The following SEC14L5 variants were observed in gnomAD, a reference collection of about 807,000 sequenced individuals.
SEC14L5 encodes the protein SEC14-like protein 5.
In SEC14L5, 96 loss-of-function variants were observed where a neutral mutation model predicts 84.6. The observed-to-expected ratio is 1.13, with a 90% CI of 0.96 to 1.34. SEC14L5 has a LOEUF of 1.34. Among genes scored for constraint, SEC14L5 ranks in the 40% most tolerant of loss-of-function variants. SEC14L5 has a pLI of 0.00. For missense variants in SEC14L5, 1,224 were observed against 942.5 expected, an observed-to-expected ratio of 1.30 and a Z score of -3.91; for synonymous variants, 546 against 383.4, an observed-to-expected ratio of 1.42 and a Z score of -4.95.
In SEC14L5 at chr16:4,998,006, T is replaced by C. The variant is rs948605752; in HGVS notation, c.970+962T>C. Among the ~76,000 whole-genome samples, 283 of 149,876 alleles carry C rather than the reference T, an allele frequency of 1.9e-3. 3 individuals are homozygous for C. Among genetic ancestry groups the C allele is most frequent in the African/African-American group, 6.3e-3 (257 of 40,698 alleles). On this transcript the variant is annotated intron_variant, in intron 8 of 15. Transcript: ENST00000251170. ...TACACCTGCACAGACTCTAGTTCTT[T>C]TTTTTTTTTTTTTTTGAGACAGAGT...
chr16:4,974,818 C>T (rs1955321272), intron 2 of SEC14L5, among the ~76,000 whole-genome samples: 1 of 152,064 alleles, frequency 6.6e-6, no homozygotes, highest in Admixed American at 6.6e-5. Context: ...CACTCTGTCA[C>T]CCAGGCTGGA....
At chr16:4,967,953 C>T (rs574200011) in intron 2 of SEC14L5, among the ~76,000 whole-genome samples, 2 of 137,146 alleles carry the variant, frequency 1.5e-5, no homozygotes, top group South Asian at 5.4e-4. Flanking sequence ...TCCCCTCCCC[C>T]CCTCCCCCTT....
chr16:5,015,157 C>A lies in SEC14L5; in HGVS notation c.*187C>A, dbSNP rs1596650034. ...CTGGCCTGTGGGTGGTGTCAGGGCT[C>A]TTGAAATTGCAAGGACAGAACCATC... On this transcript the variant is annotated 3_prime_UTR_variant, in exon 16 of 16. Transcript: ENST00000251170. 24 of 589,860 alleles carry A rather than the reference C, an allele frequency of 4.1e-5. No homozygotes were observed. The South Asian group carries it at 4.8e-4, about 12-fold the overall frequency. 36.5% of individuals were successfully genotyped at this position (589,860 alleles called of 1,614,324 possible).
chr16:4,986,117 C>T (rs1189222225), intron 2 of SEC14L5, among the ~76,000 whole-genome samples: 6 of 151,564 alleles, frequency 4.0e-5, no homozygotes, highest in South Asian at 2.1e-4. Flanking sequence ...CTCACCAACA[C>T]GTGCTGTTAT....
rs981291641 is a variant in SEC14L5, at chr16:4,964,453, G to C, written c.63+5067G>C. ...AATACAAAATTACCTAAGTGTGGTGGTGCATGCTTGTAATCCCAGCTAGTC... is the reference window on the plus strand; with the variant it reads ...AATACAAAATTACCTAAGTGTGGTGCTGCATGCTTGTAATCCCAGCTAGTC... On this transcript the variant is annotated intron_variant, in intron 2 of 15. Transcript: ENST00000251170. Among the ~76,000 whole-genome samples the C allele has an allele frequency of 2.0e-5, 3 of 152,034 alleles. No individual in the cohort carries two copies. In the East Asian group the frequency reaches 5.8e-4, roughly 29 times the overall value.
intron 2 of SEC14L5, among the ~76,000 whole-genome samples, chr16:4,985,459 C>T (rs963578443): frequency 1.3e-5 from 2 of 152,122 alleles, no homozygotes; most frequent in Admixed American, 6.6e-5. Context: ...AGCTCCTGAC[C>T]TTCGGTGATC....
intron 6 of SEC14L5, among the ~76,000 whole-genome samples, chr16:4,993,467 C>G (rs2908681): frequency 0.17 from 25,358 of 152,136 alleles, 2,288 homozygotes; most frequent in Middle Eastern, 0.22. Context: ...GTCTTGAACT[C>G]CTGACCTCAG....
intron 2 of SEC14L5, among the ~76,000 whole-genome samples, chr16:4,969,531 C>T (rs1955248842): frequency 6.6e-6 from 1 of 152,036 alleles, no homozygotes; most frequent in Non-Finnish European, 1.5e-5. Flanking sequence ...TTACAGGTGC[C>T]TGCCACCATG....
At chr16:4,972,027 C>CT (rs775419037) in intron 2 of SEC14L5, among the ~76,000 whole-genome samples, 187 of 145,754 alleles carry the variant, frequency 1.3e-3, no homozygotes, top group African/African-American at 2.2e-3. Context: ...GTGGCTTATT[C>CT]TTTTTTTTTT....
rs1314448241 is a variant in SEC14L5 at position 5,019,130 on chromosome 16, G to A, written c.*4160G>A. 6.6e-6 allele frequency: 1 copy of A among 152,240 alleles called. No homozygotes were observed. Among genetic ancestry groups the A allele is most frequent in the Non-Finnish European group, 1.5e-5 (1 of 68,064 alleles). 9.4% of individuals were successfully genotyped at this position (152,240 alleles called of 1,614,324 possible). A position where few individuals can be genotyped will look rare whatever the true frequency, so the allele number is the denominator to read the frequency against. ...GACTGCTTTGAATGTGCTCCAACAC[G>A]AGTTCGTAAACTTTCTTAAAATACT... On this transcript the variant is annotated 3_prime_UTR_variant, in exon 16 of 16. Coordinates refer to ENST00000251170, the MANE Select transcript of SEC14L5 (RefSeq NM_014692.2).
At chr16:5,006,506 G>T (rs1248858878) in intron 12 of SEC14L5, among the ~76,000 whole-genome samples, 1 of 152,168 alleles carries the variant, frequency 6.6e-6, no homozygotes, top group Non-Finnish European at 1.5e-5. Flanking sequence ...CCCCTTCAAG[G>T]GAGGCAGTGT....
Position 4,987,577 on chromosome 16 carries a change from C to A in SEC14L5, c.84C>A (p.Pro28=). The change falls in exon 3 of 16, where the codon CCC becomes CCA. Residue 28 remains proline, a synonymous_variant. Transcript: ENST00000251170. ...CCCAGGCCTACGAGAAGCGTTTCCC[C>A]ACGTGCCCACAGATCCCAGTCTTCC... ...LVMAAYEKRF[P]TCPQIPVFLG... 1.3e-6 allele frequency: 2 copies of A among 1,560,922 alleles called. No homozygotes were observed. Among genetic ancestry groups the A allele is most frequent in the Non-Finnish European group, 1.7e-6 (2 of 1,153,670 alleles).
intron 2 of SEC14L5, among the ~76,000 whole-genome samples, chr16:4,983,705 C>T (rs1342492613): frequency 2.0e-5 from 3 of 151,696 alleles, no homozygotes; most frequent in Non-Finnish European, 4.4e-5. Flanking sequence ...GGTGAAACCC[C>T]GTCTCTACTA....
At chr16:4,965,388 G>A (rs553440434) in intron 2 of SEC14L5, among the ~76,000 whole-genome samples, 3 of 152,090 alleles carry the variant, frequency 2.0e-5, no homozygotes, top group African/African-American at 4.8e-5. Flanking sequence ...TTGGCCAGGC[G>A]CGGTGGCTCA....
chr16:4,959,193 G>C (rs1218685955), intron 1 of SEC14L5, 80 bp from the exon 2 acceptor site: 7 of 710,180 alleles, frequency 9.9e-6, no homozygotes, highest in Non-Finnish European at 1.8e-5. Context: ...GGGGCCAGGG[G>C]CTGCCCCTTA....
rs796756724 is a variant in SEC14L5 at position 5,018,362 on chromosome 16, C to G, written c.*3392C>G. 2 of 152,214 alleles carry G rather than the reference C, an allele frequency of 1.3e-5. No individual in the cohort carries two copies. Among genetic ancestry groups the G allele is most frequent in the African/African-American group, 4.8e-5 (2 of 41,446 alleles). 9.4% of individuals were successfully genotyped at this position (152,214 alleles called of 1,614,324 possible). Reference sequence around the variant, plus strand: ...CCTCTGAGTTGGGTGTGCAGTCTTTCTCTTTTAGAAACTGCTTGTGTGGGC... The same window carrying G: ...CCTCTGAGTTGGGTGTGCAGTCTTTGTCTTTTAGAAACTGCTTGTGTGGGC... On this transcript the variant is annotated 3_prime_UTR_variant, in exon 16 of 16. Coordinates refer to ENST00000251170, the MANE Select transcript of SEC14L5 (RefSeq NM_014692.2).
chr16:4,996,880 G>A lies in SEC14L5; in HGVS notation c.806G>A (p.Arg269Gln), dbSNP rs1168677604. ...GKIPKDEHIL[R>Q]FLRAHDFHLD... ...ATTCCCAAAGATGAGCACATCCTTC[G>A]GTTCCTGCGGGCTCATGACTTCCAC... The change falls in exon 8 of 16, where the codon CGG becomes CAG. Residue 269 changes from arginine to glutamine, a missense_variant. By Grantham distance (43) the Arg-to-Gln change is conservative. Transcript: ENST00000251170. The A allele has an allele frequency of 1.2e-6, 2 of 1,612,980 alleles. No homozygotes were observed. The highest frequency in any genetic ancestry group is 1.7e-6 in the Non-Finnish European group (2 of 1,179,496).
At chr16:5,014,837 G>T in intron 15 of SEC14L5, 22 bp from the exon 16 acceptor site, 1 of 1,591,244 alleles carries the variant, frequency 6.3e-7, no homozygotes, top group South Asian at 1.1e-5. Context: ...AGGGTAACGT[G>T]TGCCACGCCC....
chr16:5,010,304 C>A (rs891425921), intron 14 of SEC14L5, among the ~76,000 whole-genome samples: 1 of 149,500 alleles, frequency 6.7e-6, no homozygotes, highest in African/African-American at 2.5e-5. Context: ...GCAGAGGTTG[C>A]AGTGAGCTGA....
Sources: allele counts gnomAD v4.1 joint callset (sites outside exome capture counted in the v4.1 genomes callset), GRCh38; gene constraint gnomAD v4.1.1; transcripts MANE v1.5; gene names NCBI Gene and HGNC (gene_info 2026-07-23, HGNC 2026-07-21).